TBC1D26: variants seen among roughly 807,000 people sequenced by gnomAD.
The protein encoded by TBC1D26 is TBC1 domain family, member 26.
Under a neutral mutation model 42.5 loss-of-function variants are expected in TBC1D26, and 19 were observed. The observed-to-expected ratio is 0.45, with a 90% CI of 0.31 to 0.66. TBC1D26 has a LOEUF of 0.66. TBC1D26 is among the 30% of genes least tolerant of loss of function. TBC1D26 has a pLI of 0.06. For synonymous variants in TBC1D26, 97 were observed against 123.5 expected (o/e 0.79, Z 1.42); for missense variants, 228 against 332.6 (o/e 0.69, Z 2.45).
At position 15,740,980 on chromosome 17, in the gene TBC1D26, G is replaced by GCATTTGAGGC. The variant is rs1405808406; in HGVS notation, c.547-142_547-141insCATTTGAGGC. The GCATTTGAGGC allele has an allele frequency of 6.4e-6, 7 of 1,098,508 alleles. No homozygotes were observed. In the African/African-American group the frequency reaches 7.7e-5, roughly 12 times the overall value. The allele number at this position is 1,098,508 out of a possible 1,614,324, so 68.0% of individuals were successfully genotyped here. Reference sequence around the variant, plus strand: ...CCTCATGTCCAGTGCCAGGGGAGGGGTGCAGAGGCTGCACCTCAAATCCCC... The same window carrying GCATTTGAGGC: ...CCTCATGTCCAGTGCCAGGGGAGGGGCATTTGAGGCTGCAGAGGCTGCACCTCAAATCCCC... On this transcript the variant is annotated intron_variant, in intron 9 of 14. Coordinates refer to ENST00000437605, the MANE Select transcript of TBC1D26 (RefSeq NM_001388465.1).
intron 11 of TBC1D26, 27 bp from the exon 12 acceptor site, chr17:15,742,387 C>A: frequency 2.6e-6 from 1 of 379,388 alleles, no homozygotes; most frequent in South Asian, 2.4e-5. Flanking sequence ...CCCAGGGGGC[C>A]CTGAGCACGT....
chr17:15,739,774 C>T (rs1967722705), intron 8 of TBC1D26, among the ~76,000 whole-genome samples: 1 of 152,270 alleles, frequency 6.6e-6, no homozygotes, highest in Non-Finnish European at 1.5e-5. Context: ...ACGGGAGGCT[C>T]TGCACATTAG....
intron 1 of TBC1D26, among the ~76,000 whole-genome samples, chr17:15,733,323 AGAAATGAGTCATGGCACCCTG>A (rs2151496062): frequency 6.6e-6 from 1 of 152,234 alleles, no homozygotes; most frequent in South Asian, 2.1e-4. Flanking sequence ...CATCCATAGC[AGAAATGAGTCATGGCACCCTG>A]GAAGGCTACT....
chr17:15,738,681 T>C lies in TBC1D26; in HGVS notation c.388-40T>C, dbSNP rs749263476. On this transcript the variant is annotated intron_variant, in intron 7 of 14. Coordinates refer to ENST00000437605, the MANE Select transcript of TBC1D26 (RefSeq NM_001388465.1). ...CGTTTGGGGCAGGGAGTCTTTTGTC[T>C]GTTCTGAGGCTGCTTCCTCCTCTTG... is the stretch of plus-strand genomic sequence containing the variant. The C allele has an allele frequency of 3.1e-6, 5 of 1,613,872 alleles. No homozygotes were observed. In the South Asian group the frequency reaches 5.5e-5, roughly 18 times the overall value.
chr17:15,738,740 A>G lies in TBC1D26; in HGVS notation c.407A>G (p.Lys136Arg), dbSNP rs1380670232. The G allele has an allele frequency of 2.5e-6, 4 of 1,613,820 alleles. No individual in the cohort carries two copies. The highest frequency in any genetic ancestry group is 3.4e-6 in the Non-Finnish European group (4 of 1,179,880). ...GKYKVMKEKGKRSSRIIHCIQ... is the reference protein window; with the variant it reads ...GKYKVMKEKGRRSSRIIHCIQ... ...CTACAGGTCATGAAGGAGAAGGGCA[A>G]GAGGTCCTCCAGAATCATCCACTGC... Residue 136 changes from lysine to arginine, a missense_variant, in exon 8 of 15, where the codon AAG becomes AGG. Lys to Arg is a conservative substitution (Grantham distance 26, BLOSUM62 2). This residue lies in a region of TBC1D26 where 3 missense variants were observed against 19.8 expected (regional missense o/e 0.15). Transcript: ENST00000437605.
rs1209492917 is a variant in TBC1D26 at position 15,734,936 on chromosome 17, G to T, written c.-136G>T. The stretch of plus-strand genomic sequence containing the variant: ...GATGTCTTGCTTCCTACAGAAAACT[G>T]ATTATATTCCTGGTCCCTGAACGAT... On this transcript the variant is annotated 5_prime_UTR_variant, in exon 2 of 15. Coordinates refer to ENST00000437605, the MANE Select transcript of TBC1D26 (RefSeq NM_001388465.1). The T allele has an allele frequency of 4.6e-6, 1 of 216,656 alleles. No individual in the cohort carries two copies. The highest frequency in any genetic ancestry group is 9.2e-6 in the Non-Finnish European group (1 of 108,494). 13.4% of individuals were successfully genotyped at this position (216,656 alleles called of 1,614,324 possible).
At chr17:15,732,861 G>A (rs1326459136) in intron 1 of TBC1D26, among the ~76,000 whole-genome samples, 5 of 152,304 alleles carry the variant, frequency 3.3e-5, no homozygotes, top group Middle Eastern at 6.8e-3. Context: ...CGGTCACTGA[G>A]GGTCTCCGTG....
In TBC1D26 at chr17:15,741,033, A is replaced by G. The variant is rs200608964; in HGVS notation, c.547-89A>G. The stretch of plus-strand genomic sequence containing the variant: ...GGGCCTGAGGCAGGTGTCCCCAAAG[A>G]CCTGTGCCACCTCTGGTGACATAAG... On this transcript the variant is annotated intron_variant, in intron 9 of 14. Coordinates refer to ENST00000437605, the MANE Select transcript of TBC1D26 (RefSeq NM_001388465.1). 8.7e-4 allele frequency: 1,348 copies of G among 1,554,010 alleles called. 1 individual carries two copies. Among genetic ancestry groups the G allele is most frequent in the Admixed American group, 1.1e-3 (65 of 59,370 alleles).
chr17:15,740,335 A>G, intron 9 of TBC1D26, 187 bp downstream of exon 9: 2 of 1,539,024 alleles, frequency 1.3e-6, no homozygotes, highest in South Asian at 2.6e-5. Context: ...CATGGACCCA[A>G]TCACCACGTC....
At chr17:15,743,580 C>G (rs1487423379) in intron 14 of TBC1D26, 64 bp downstream of exon 14, 14 of 644,448 alleles carry the variant, frequency 2.2e-5, no homozygotes, top group African/African-American at 9.8e-5. Flanking sequence ...TGGGGAGTGC[C>G]GTGGCCCCGC....
At position 15,738,032 on chromosome 17, in the gene TBC1D26, G is replaced by C. The variant is rs772242358; in HGVS notation, c.234G>C (p.Trp78Cys). 6 of 1,614,084 alleles carry C rather than the reference G, an allele frequency of 3.7e-6. No homozygotes were observed. The East Asian group carries it at 1.3e-4, about 36-fold the overall frequency. The change falls in exon 6 of 15, where the codon TGG (tryptophan) becomes TGC (cysteine). Residue 78 changes from tryptophan to cysteine, a missense_variant. Around this residue, in one of 5 missense-constraint regions of TBC1D26, gnomAD observed 72 missense variants for 90.1 expected, o/e 0.80. Coordinates refer to ENST00000437605, the MANE Select transcript of TBC1D26 (RefSeq NM_001388465.1). ...AGGAAAGTAAACGTACCAACAAGTG[G>C]CAAAAGATGCTTGCAGACTGGACAA... ...RRKESKRTNK[W>C]QKMLADWTKY...
chr17:15,735,251 C>T lies in TBC1D26; in HGVS notation c.-1-97C>T, dbSNP rs182760119. 620 of 1,114,534 alleles carry T rather than the reference C, an allele frequency of 5.6e-4. 1 individual carries two copies. The Admixed American group carries it at 0.01, about 18-fold the overall frequency. 69.0% of individuals were successfully genotyped at this position (1,114,534 alleles called of 1,614,324 possible). ...GGGAGGGGTAGTGGAATGGGGCTCA[C>T]CAGACTGGAGTGTGTCTGGGAGTGC... On this transcript the variant is annotated intron_variant, in intron 2 of 14. Coordinates refer to ENST00000437605, the MANE Select transcript of TBC1D26 (RefSeq NM_001388465.1).
At position 15,737,987 on chromosome 17, in the gene TBC1D26, C is replaced by T; in HGVS notation, c.199-10C>T. Reference sequence around the variant, plus strand: ...CAGCTCCGCTAACTCCATCATGGCTCATTTGACAGCAAAGACGCAAGGAAA... The same window carrying T: ...CAGCTCCGCTAACTCCATCATGGCTTATTTGACAGCAAAGACGCAAGGAAA... On this transcript the variant is annotated splice_polypyrimidine_tract_variant and intron_variant, in intron 5 of 14. Coordinates refer to ENST00000437605, the MANE Select transcript of TBC1D26 (RefSeq NM_001388465.1). The T allele has an allele frequency of 1.2e-6, 2 of 1,614,068 alleles. No homozygotes were observed. The highest frequency in any genetic ancestry group is 1.7e-6 in the Non-Finnish European group (2 of 1,179,932).
intron 9 of TBC1D26, chr17:15,740,774 G>A (rs1043905362): frequency 3.1e-5 from 30 of 953,310 alleles, no homozygotes; most frequent in African/African-American, 2.7e-4. Context: ...GCCTGCCCTC[G>A]TGGCAGGTGC....
At chr17:15,739,824 CTG>C (rs1277873094) in intron 8 of TBC1D26, among the ~76,000 whole-genome samples, 1 of 152,236 alleles carries the variant, frequency 6.6e-6, no homozygotes, top group African/African-American at 2.4e-5. Context: ...GACTGGACTT[CTG>C]TGTGTGCAAA....
chr17:15,735,101 A>C, intron 2 of TBC1D26, 31 bp downstream of exon 2: 1 of 579,928 alleles, frequency 1.7e-6, no homozygotes. Context: ...GTTCAGGGAC[A>C]ATAGGCCTCT....
chr17:15,736,262 G>C (rs1420584954), intron 4 of TBC1D26, among the ~76,000 whole-genome samples: 527 of 149,392 alleles, frequency 3.5e-3, no homozygotes, highest in African/African-American at 0.013. Context: ...GAAGGGACCT[G>C]GGCCTGGTAA....
chr17:15,732,519 T>TG (rs1967514067), intron 1 of TBC1D26, 135 bp downstream of exon 1: 1 of 147,414 alleles, frequency 6.8e-6, no homozygotes, highest in Admixed American at 6.8e-5. Flanking sequence ...TGCACTGACC[T>TG]GGTGGACTCT....
chr17:15,742,797 C>T (rs1234789146), intron 12 of TBC1D26, 112 bp from the exon 13 acceptor site: 1 of 152,970 alleles, frequency 6.5e-6, no homozygotes, highest in Non-Finnish European at 1.5e-5. Context: ...GGTCTCATCC[C>T]ATGGAGAGGG....
Sources: gnomAD v4.1 joint callset for allele counts (sites outside exome capture counted in the v4.1 genomes callset) on GRCh38, gnomAD v4.1.1 for gene constraint, gnomAD v4.1.1 regional missense constraint, MANE v1.5 for transcripts, NCBI Gene and HGNC (gene_info 2026-07-23, HGNC 2026-07-21) for gene names.